Variants in SLC16A12 observed in about 807,000 individuals in gnomAD.
SLC16A12 encodes monocarboxylate transporter 12.
A neutral mutation model predicts 42.4 loss-of-function variants in SLC16A12; 17 were observed. The ratio of observed to expected loss-of-function variants is 0.40; its 90% CI spans 0.27 to 0.60. The LOEUF (loss-of-function observed/expected upper bound fraction) is 0.60, where lower values mean the gene tolerates loss of function less well. Ranked by LOEUF, SLC16A12 falls within the 20% of genes least tolerant of loss-of-function variation. The pLI is 0.42. For missense variants in SLC16A12, 544 were observed against 623.0 expected, an observed-to-expected ratio of 0.87 and a Z score of 1.35; for synonymous variants, 224 against 229.4, an observed-to-expected ratio of 0.98 and a Z score of 0.21.
At chr10:89,504,496 T>C (rs905296740) in intron 2 of SLC16A12, among the ~76,000 whole-genome samples, 1 of 152,182 alleles carries the variant, frequency 6.6e-6, no homozygotes, top group African/African-American at 2.4e-5. Context: ...TTCATAAAAG[T>C]AGTAACTGGC....
chr10:89,527,590 G>C (rs570868222), intron 2 of SLC16A12, among the ~76,000 whole-genome samples: 6 of 151,212 alleles, frequency 4.0e-5, no homozygotes, highest in African/African-American at 1.5e-4. Context: ...GAGCTCAGGA[G>C]TTTAAGTCCA....
At chr10:89,448,130 C>CA (rs1293776785) in intron 3 of SLC16A12, among the ~76,000 whole-genome samples, 1 of 151,994 alleles carries the variant, frequency 6.6e-6, no homozygotes, top group East Asian at 1.9e-4. Context: ...GCCTACCAAC[C>CA]AAAAAAAGTC....
chr10:89,451,073 G>A lies in SLC16A12; in HGVS notation c.201-7214C>T, dbSNP rs550011732. Among the ~76,000 whole-genome samples the A allele has an allele frequency of 4.6e-5, 7 of 152,330 alleles. No individual in the cohort carries two copies. In the East Asian group the frequency reaches 1.3e-3, roughly 29 times the overall value. On this transcript the variant is annotated intron_variant, in intron 3 of 7. Coordinates refer to ENST00000371790, the MANE Select transcript of SLC16A12 (RefSeq NM_213606.4). ...GGATTAGCATGGCGTCCTCATTCAG[G>A]CAGGAAGCTTTTATAGCCCGGTGAT...
chr10:89,483,973 G>A (rs1168703391), intron 2 of SLC16A12, among the ~76,000 whole-genome samples: 1 of 152,070 alleles, frequency 6.6e-6, no homozygotes, highest in Non-Finnish European at 1.5e-5. Context: ...TTCTAGCTGT[G>A]TAAACTTGGT....
At chr10:89,460,601 A>C (rs1335747933) in intron 3 of SLC16A12, among the ~76,000 whole-genome samples, 1 of 151,862 alleles carries the variant, frequency 6.6e-6, no homozygotes, top group African/African-American at 2.4e-5. Flanking sequence ...TTTGTATCCC[A>C]GTACAAAATT....
At chr10:89,528,027 T>C (rs1053915543) in intron 2 of SLC16A12, among the ~76,000 whole-genome samples, 14 of 152,104 alleles carry the variant, frequency 9.2e-5, no homozygotes, top group African/African-American at 3.1e-4. Flanking sequence ...AAGAGTCCTA[T>C]ATAATATCTT....
At chr10:89,480,952 T>A (rs1842651377) in intron 2 of SLC16A12, among the ~76,000 whole-genome samples, 1 of 152,214 alleles carries the variant, frequency 6.6e-6, no homozygotes, top group Admixed American at 6.5e-5. Flanking sequence ...CAGACAAATA[T>A]CTGTATACTA....
rs777162254 is a variant in SLC16A12 at position 89,433,098 on chromosome 10, A to G, written c.1517T>C (p.Val506Ala). The change falls in exon 8 of 8, where the codon GTG becomes GCG. Residue 506 changes from valine (V) to alanine (A), a missense_variant. Val to Ala is a moderately conservative substitution (Grantham distance 64, BLOSUM62 0). Coordinates refer to ENST00000371790, the MANE Select transcript of SLC16A12 (RefSeq NM_213606.4). The part of the protein sequence containing the change: ...RELDQKHGEP[V>A]ATAVPGYSLT ...GCTGTAGCCAGGCACTGCTGTAGCC[A>G]CAGGCTCCCCATGTTTCTGATCTAA... 6.2e-7 allele frequency: 1 copy of G among 1,614,210 alleles called. No homozygotes were observed. The highest frequency in any genetic ancestry group is 8.5e-7 in the Non-Finnish European group (1 of 1,180,026).
rs113275565 is a variant in SLC16A12, at chr10:89,545,235, T to A, written c.-47+10647A>T. Reference sequence around the variant, plus strand: ...AGAACCACCCAGGTAACTTACACACTCATGCACAAACAAAAATGTTTATCA... The same window carrying A: ...AGAACCACCCAGGTAACTTACACACACATGCACAAACAAAAATGTTTATCA... On this transcript the variant is annotated intron_variant, in intron 2 of 2. Coordinates refer to the SLC16A12 transcript ENST00000475682. 8.5e-3 allele frequency among the ~76,000 whole-genome samples: 1,288 copies of A among 152,230 alleles called. 21 individuals are homozygous for A. The highest frequency in any genetic ancestry group is 0.03 in the African/African-American group (1,241 of 41,538).
intron 2 of SLC16A12, among the ~76,000 whole-genome samples, chr10:89,475,978 A>G (rs769554449): frequency 5.9e-5 from 9 of 152,210 alleles, no homozygotes; most frequent in Non-Finnish European, 1.3e-4. Flanking sequence ...TGAATGTGCA[A>G]TTCATAACCA....
At chr10:89,462,256 C>T (rs898623694) in intron 3 of SLC16A12, 123 bp downstream of exon 3, 5 of 1,353,720 alleles carry the variant, frequency 3.7e-6, no homozygotes, top group South Asian at 2.6e-5. Context: ...AACGGAAATA[C>T]ACACACACCA....
chr10:89,453,667 A>G (rs190769858), intron 3 of SLC16A12, among the ~76,000 whole-genome samples: 27 of 152,242 alleles, frequency 1.8e-4, no homozygotes, highest in Admixed American at 1.3e-3. Flanking sequence ...AGTACACTCT[A>G]TGATGTTCAC....
intron 5 of SLC16A12, among the ~76,000 whole-genome samples, chr10:89,440,628 C>T (rs1302511163): frequency 6.6e-6 from 1 of 152,154 alleles, no homozygotes; most frequent in Non-Finnish European, 1.5e-5. Flanking sequence ...AGTGATACTT[C>T]CACAGCATTG....
At chr10:89,522,758 T>C (rs1843377343) in intron 2 of SLC16A12, among the ~76,000 whole-genome samples, 1 of 152,248 alleles carries the variant, frequency 6.6e-6, no homozygotes, top group Non-Finnish European at 1.5e-5. Context: ...TTAACCTCTC[T>C]GTACTTTAGT....
chr10:89,457,095 C>T, intron 3 of SLC16A12, among the ~76,000 whole-genome samples: 1 of 151,968 alleles, frequency 6.6e-6, no homozygotes, highest in East Asian at 1.9e-4. Context: ...ATTGCTGGGT[C>T]AAATGGTATT....
chr10:89,520,412 G>T (rs1197119089), intron 2 of SLC16A12, among the ~76,000 whole-genome samples: 1 of 152,110 alleles, frequency 6.6e-6, no homozygotes, highest in Non-Finnish European at 1.5e-5. Flanking sequence ...TGGTCACTAA[G>T]CCTTAATACA....
At chr10:89,524,752 G>C (rs1022933702) in intron 2 of SLC16A12, among the ~76,000 whole-genome samples, 15 of 152,202 alleles carry the variant, frequency 9.9e-5, no homozygotes, top group Admixed American at 5.9e-4. Context: ...GAAGAACACT[G>C]TCTAACACAT....
At chr10:89,455,605 T>C (rs1214598189) in intron 3 of SLC16A12, among the ~76,000 whole-genome samples, 1 of 152,206 alleles carries the variant, frequency 6.6e-6, no homozygotes, top group East Asian at 1.9e-4. Context: ...AGTAGTAGTT[T>C]CATGATGTAT....
At chr10:89,511,043 C>G (rs1022823055) in intron 2 of SLC16A12, among the ~76,000 whole-genome samples, 1 of 152,146 alleles carries the variant, frequency 6.6e-6, no homozygotes, top group Non-Finnish European at 1.5e-5. Flanking sequence ...CCATCTCACA[C>G]CAGTTAGAAT....
Sources: gnomAD v4.1 joint callset for allele counts (sites outside exome capture counted in the v4.1 genomes callset) on GRCh38, gnomAD v4.1.1 for gene constraint, MANE v1.5 for transcripts, NCBI Gene and HGNC (gene_info 2026-07-23, HGNC 2026-07-21) for gene names.